Variants in PEAK1 observed in about 807,000 individuals in gnomAD.
PEAK1 encodes the protein pseudopodium enriched atypical kinase 1.
A neutral mutation model predicts 124.7 loss-of-function variants in PEAK1; 54 were observed. That is an observed-to-expected ratio of 0.43 (90% CI 0.35 to 0.54). PEAK1 has a LOEUF of 0.54. Among genes scored for constraint, PEAK1 ranks in the 20% least tolerant of loss-of-function variants. The probability of loss-of-function intolerance (pLI) is 0.01; values close to 1 mark genes in which losing one functional copy is unlikely to be tolerated. For missense variants in PEAK1, 2,046 were observed against 2,134.5 expected (o/e 0.96, Z 0.82); for synonymous variants, 719 against 760.0 (o/e 0.95, Z 0.89).
intron 2 of PEAK1, among the ~76,000 whole-genome samples, chr15:77,364,452 A>T (rs992020217): frequency 2.0e-5 from 3 of 152,210 alleles, no homozygotes; most frequent in African/African-American, 7.2e-5. Flanking sequence ...TCAGAGTAGT[A>T]GACGGACAGG....
intron 2 of PEAK1, chr15:77,349,261 G>A (rs1054500006): frequency 3.8e-5 from 22 of 579,566 alleles, no homozygotes; most frequent in Admixed American, 2.5e-4. Flanking sequence ...GGATGGTCTC[G>A]ATCTTCTGAC....
intron 1 of PEAK1, among the ~76,000 whole-genome samples, chr15:77,383,227 T>C (rs778127662): frequency 6.6e-6 from 1 of 152,034 alleles, no homozygotes; most frequent in Non-Finnish European, 1.5e-5. Context: ...GGTTTCACCA[T>C]ATTGGTTAGG....
intron 9 of PEAK1, among the ~76,000 whole-genome samples, chr15:77,118,359 A>G (rs745459007): frequency 2.0e-5 from 3 of 152,150 alleles, no homozygotes; most frequent in African/African-American, 4.8e-5. Context: ...TTTAGGTAGG[A>G]GTATTATATT....
At chr15:77,327,202 T>C (rs17469450) in intron 2 of PEAK1, among the ~76,000 whole-genome samples, 5,634 of 152,182 alleles carry the variant, frequency 0.037, 142 homozygotes, top group Non-Finnish European at 0.055. Flanking sequence ...TCCCAGATGA[T>C]TGTCAACATG....
At chr15:77,229,708 C>T (rs1187117451) in intron 6 of PEAK1, among the ~76,000 whole-genome samples, 5 of 150,566 alleles carry the variant, frequency 3.3e-5, no homozygotes, top group Non-Finnish European at 7.4e-5. Flanking sequence ...AGTGCAATGG[C>T]ACAATCTCGG....
chr15:77,214,897 G>A (rs754697303), intron 6 of PEAK1, among the ~76,000 whole-genome samples: 1 of 152,096 alleles, frequency 6.6e-6, no homozygotes, highest in African/African-American at 2.4e-5. Flanking sequence ...CTCCCACCAG[G>A]CCTCTAACAC....
At chr15:77,226,062 T>TATATATATATATA (rs1567137615) in intron 6 of PEAK1, among the ~76,000 whole-genome samples, 1 of 122,310 alleles carries the variant, frequency 8.2e-6, no homozygotes, top group African/African-American at 2.9e-5. Context: ...TATATATATA[T>TATATATATATATA]ATATATATAT....
chr15:77,175,453 G>A (rs1188279455), intron 7 of PEAK1, among the ~76,000 whole-genome samples: 2 of 151,218 alleles, frequency 1.3e-5, no homozygotes, highest in Non-Finnish European at 3.0e-5. Flanking sequence ...GATATGAACA[G>A]ACACTTCTCA....
chr15:77,350,590 A>G (rs1431840554), intron 2 of PEAK1: 8 of 933,418 alleles, frequency 8.6e-6, no homozygotes, highest in African/African-American at 1.8e-5. Flanking sequence ...TAGTAAGTAT[A>G]TGTGTGTTAG....
intron 2 of PEAK1, among the ~76,000 whole-genome samples, chr15:77,357,974 T>C (rs2067628640): frequency 6.6e-6 from 1 of 152,188 alleles, no homozygotes; most frequent in African/African-American, 2.4e-5. Flanking sequence ...GCCAAGGACC[T>C]TGTCCTCTGC....
chr15:77,368,195 G>C (rs1004251641), intron 1 of PEAK1, among the ~76,000 whole-genome samples: 1 of 152,038 alleles, frequency 6.6e-6, no homozygotes, highest in African/African-American at 2.4e-5. Flanking sequence ...AATGTTATGA[G>C]TTTTGAGCAT....
At chr15:77,362,913 T>C (rs961090891) in intron 2 of PEAK1, among the ~76,000 whole-genome samples, 1 of 152,142 alleles carries the variant, frequency 6.6e-6, no homozygotes, top group African/African-American at 2.4e-5. Context: ...TGGAGTGCAA[T>C]AGTGTGATCT....
intron 6 of PEAK1, among the ~76,000 whole-genome samples, chr15:77,212,106 C>A (rs1033002812): frequency 6.6e-6 from 1 of 151,944 alleles, no homozygotes; most frequent in African/African-American, 2.4e-5. Context: ...AATATATAAT[C>A]ATTGAATTTT....
intron 6 of PEAK1, among the ~76,000 whole-genome samples, chr15:77,195,425 A>G (rs574936173): frequency 6.6e-6 from 1 of 152,192 alleles, no homozygotes; most frequent in Non-Finnish European, 1.5e-5. Context: ...AGAAGGTGAG[A>G]GAAAAAGAAA....
At chr15:77,377,103 G>T (rs2069087757) in intron 1 of PEAK1, among the ~76,000 whole-genome samples, 1 of 136,928 alleles carries the variant, frequency 7.3e-6, no homozygotes, top group African/African-American at 2.5e-5. Flanking sequence ...ACAGATAAGG[G>T]GCTGGGGGCA....
At chr15:77,402,726 A>C in intron 1 of PEAK1, 1 of 985,336 alleles carries the variant, frequency 1.0e-6, no homozygotes, top group African/African-American at 1.7e-5. Flanking sequence ...TAAAGTTCTC[A>C]TTTATTCCCA....
intron 2 of PEAK1, among the ~76,000 whole-genome samples, chr15:77,309,667 C>A (rs1313831587): frequency 6.6e-6 from 1 of 152,066 alleles, no homozygotes; most frequent in Non-Finnish European, 1.5e-5. Context: ...ATTTAATCCA[C>A]CAAAAAAGCC....
chr15:77,143,694 G>A (rs369314573), intron 8 of PEAK1, among the ~76,000 whole-genome samples: 1 of 152,004 alleles, frequency 6.6e-6, no homozygotes, highest in African/African-American at 2.4e-5. Flanking sequence ...CTGCTTCTAG[G>A]GAATATTTCT....
At chr15:77,305,661 G>A (rs569978659) in intron 2 of PEAK1, among the ~76,000 whole-genome samples, 1 of 152,258 alleles carries the variant, frequency 6.6e-6, no homozygotes, top group Admixed American at 6.5e-5. Context: ...TACAGTCTCC[G>A]TGCTATAGTT....
Sources: allele counts gnomAD v4.1 joint callset (sites outside exome capture counted in the v4.1 genomes callset), GRCh38; gene constraint gnomAD v4.1.1; transcripts MANE v1.5; gene names NCBI Gene and HGNC (gene_info 2026-07-23, HGNC 2026-07-21).